Variants in MAST4 observed in about 807,000 individuals in gnomAD.
MAST4 encodes the protein microtubule-associated serine/threonine-protein kinase 4.
A neutral mutation model predicts 162.7 loss-of-function variants in MAST4; 89 were observed. The observed-to-expected ratio is 0.55, with a 90% CI of 0.46 to 0.65. The LOEUF (loss-of-function observed/expected upper bound fraction) is 0.65, where lower values mean the gene tolerates loss of function less well. Ranked by LOEUF, MAST4 falls within the 30% of genes least tolerant of loss-of-function variation. The probability of loss-of-function intolerance (pLI) is 0.00; values close to 1 mark genes in which losing one functional copy is unlikely to be tolerated. For missense variants in MAST4, 3,153 were observed against 3,374.0 expected, an observed-to-expected ratio of 0.93 and a Z score of 1.62; for synonymous variants, 1,479 against 1,361.1, an observed-to-expected ratio of 1.09 and a Z score of -1.91.
intron 3 of MAST4, among the ~76,000 whole-genome samples, chr5:66,864,025 A>G (rs955754079): frequency 1.3e-5 from 2 of 152,248 alleles, no homozygotes; most frequent in Non-Finnish European, 2.9e-5. Flanking sequence ...ATGGGTAACT[A>G]TGCATCCCAC....
chr5:66,694,472 TTTTCTTTTTTTC>T (rs1749262129), intron 1 of MAST4, among the ~76,000 whole-genome samples: 2 of 152,144 alleles, frequency 1.3e-5, no homozygotes, highest in Admixed American at 1.3e-4. Flanking sequence ...TTGAGCTTTT[TTTTCTTTTTTTC>T]TTTCTTTTTT....
At chr5:66,951,351 G>A (rs1278513731) in intron 4 of MAST4, among the ~76,000 whole-genome samples, 3 of 152,088 alleles carry the variant, frequency 2.0e-5, no homozygotes, top group African/African-American at 7.2e-5. Context: ...CTTATTCCTT[G>A]CCTCCTGGCC....
At chr5:66,788,607 C>CCCACCAAAAAAAAAAAAA in intron 2 of MAST4, 63 bp from the exon 3 acceptor site, 14 of 1,373,700 alleles carry the variant, frequency 1.0e-5, no homozygotes, top group Non-Finnish European at 1.2e-5. Flanking sequence ...CCCCCACCCC[C>CCCACCAAAAAAAAAAAAA]ATTGCAATAA....
chr5:66,622,694 A>G (rs748346398), intron 1 of MAST4, among the ~76,000 whole-genome samples: 27 of 152,192 alleles, frequency 1.8e-4, no homozygotes, highest in African/African-American at 3.1e-4. Context: ...GTTTGCTCAC[A>G]GAGTGAAAAT....
intron 1 of MAST4, among the ~76,000 whole-genome samples, chr5:66,730,827 T>G (rs935458683): frequency 2.2e-4 from 33 of 152,000 alleles, no homozygotes; most frequent in African/African-American, 7.3e-4. Flanking sequence ...CATGCCATTT[T>G]GCTTTATGGA....
chr5:67,071,107 C>A (rs1760923758), intron 5 of MAST4, among the ~76,000 whole-genome samples: 2 of 152,140 alleles, frequency 1.3e-5, no homozygotes, highest in Admixed American at 1.3e-4. Context: ...AAAATACTAT[C>A]ATTGAAGACT....
At position 66,883,902 on chromosome 5, in the gene MAST4, C is replaced by CT. The variant is rs113944200; in HGVS notation, c.643-16041dup. On this transcript the variant is annotated intron_variant, in intron 3 of 28. Coordinates refer to ENST00000403625, the MANE Select transcript of MAST4 (RefSeq NM_001164664.2). ...TGTTTCTGTAGCTCTTGCTTTTAGT[C>CT]TTTTTTTTGGATGCGTTGCTGCAAT... Among the ~76,000 whole-genome samples the CT allele has an allele frequency of 7.6e-3, 1,155 of 152,034 alleles. 19 individuals are homozygous for CT. Among genetic ancestry groups the CT allele is most frequent in the African/African-American group, 0.026 (1,092 of 41,460 alleles).
chr5:66,789,088 G>A (rs1259617645), intron 3 of MAST4, among the ~76,000 whole-genome samples: 1 of 152,104 alleles, frequency 6.6e-6, no homozygotes, highest in Non-Finnish European at 1.5e-5. Context: ...TGGAAAAGTT[G>A]CAAGAATAAG....
Position 66,843,062 on chromosome 5 carries a change from C to T in MAST4, c.642+54268C>T, listed in dbSNP as rs978165188. ...ATATACATTTACATATACACCTTTG[C>T]CAATGCCTTATCTACCACTGTCTTT... On this transcript the variant is annotated intron_variant, in intron 3 of 28. Transcript: ENST00000403625. Among the ~76,000 whole-genome samples the T allele has an allele frequency of 2.6e-5, 4 of 152,126 alleles. No homozygotes were observed. The South Asian group carries it at 8.3e-4, about 32-fold the overall frequency.
intron 12 of MAST4, among the ~76,000 whole-genome samples, chr5:67,118,402 T>G (rs1767174668): frequency 6.6e-6 from 1 of 152,216 alleles, no homozygotes; most frequent in Non-Finnish European, 1.5e-5. Context: ...CTTTCCAAGC[T>G]GTGGTGATTG....
chr5:67,149,248 G>T (rs1209245303), intron 23 of MAST4, 141 bp from the exon 24 acceptor site: 7 of 686,450 alleles, frequency 1.0e-5, no homozygotes, highest in South Asian at 5.7e-5. Context: ...GTTAATGTTC[G>T]CCTGACACCG....
intron 4 of MAST4, among the ~76,000 whole-genome samples, chr5:66,913,291 C>T (rs1763895736): frequency 6.6e-6 from 1 of 151,960 alleles, no homozygotes; most frequent in African/African-American, 2.4e-5. Flanking sequence ...ACCCCCACAT[C>T]CCCAACCAGA....
chr5:67,155,176 G>GT (rs1243785083), intron 26 of MAST4, among the ~76,000 whole-genome samples: 1 of 152,178 alleles, frequency 6.6e-6, no homozygotes, highest in Non-Finnish European at 1.5e-5. Flanking sequence ...ATTTGGTCTT[G>GT]TTTACCTTCA....
intron 1 of MAST4, among the ~76,000 whole-genome samples, chr5:66,652,754 T>C (rs1050254521): frequency 5.9e-5 from 9 of 152,220 alleles, no homozygotes; most frequent in African/African-American, 2.2e-4. Flanking sequence ...ACAATATGCC[T>C]GACTTTGAGA....
chr5:66,626,965 C>T (rs962340163), intron 1 of MAST4, among the ~76,000 whole-genome samples: 10 of 152,000 alleles, frequency 6.6e-5, no homozygotes, highest in East Asian at 3.9e-4. Context: ...CAGGAAGATA[C>T]GAAGCAACTA....
At chr5:66,940,870 GA>G (rs1743288843) in intron 4 of MAST4, among the ~76,000 whole-genome samples, 1 of 152,106 alleles carries the variant, frequency 6.6e-6, no homozygotes, top group Non-Finnish European at 1.5e-5. Flanking sequence ...CCCAACTTGG[GA>G]ATCAGAATTA....
chr5:67,037,294 G>C (rs1756143237), intron 4 of MAST4, among the ~76,000 whole-genome samples: 1 of 152,174 alleles, frequency 6.6e-6, no homozygotes, highest in Non-Finnish European at 1.5e-5. Flanking sequence ...GAGGGTTCCA[G>C]CTTCCCAGTT....
intron 11 of MAST4, among the ~76,000 whole-genome samples, chr5:67,113,356 A>G (rs368059234): frequency 1.9e-4 from 28 of 151,180 alleles, no homozygotes; most frequent in African/African-American, 6.5e-4. Flanking sequence ...GACCAAAAAT[A>G]CATTTGACAG....
chr5:66,998,834 C>G (rs182733729), intron 4 of MAST4, among the ~76,000 whole-genome samples: 10 of 152,342 alleles, frequency 6.6e-5, no homozygotes, highest in Admixed American at 4.6e-4. Context: ...GATTTTGATA[C>G]AGTGGAAGAA....
Sources: gnomAD v4.1 joint callset for allele counts (sites outside exome capture counted in the v4.1 genomes callset) on GRCh38, gnomAD v4.1.1 for gene constraint, MANE v1.5 for transcripts, NCBI Gene and HGNC (gene_info 2026-07-23, HGNC 2026-07-21) for gene names.